The following DDIT3 variants were observed in gnomAD, a reference collection of about 807,000 sequenced individuals.
DDIT3 encodes the protein DNA damage inducible transcript 3, also known as DNA damage-inducible transcript 3 protein.
DDIT3 carries 14 observed loss-of-function variants against 17.6 expected under a neutral mutation model. The ratio of observed to expected loss-of-function variants is 0.80; its 90% CI spans 0.53 to 1.25. The LOEUF (loss-of-function observed/expected upper bound fraction) is 1.25. DDIT3 is among the 50% of genes most tolerant of loss of function. The probability of loss-of-function intolerance (pLI) is 0.00; values close to 1 mark genes in which losing one functional copy is unlikely to be tolerated. For synonymous variants in DDIT3, 93 were observed against 76.5 expected (o/e 1.22, Z -1.13); for missense variants, 216 against 202.7 (o/e 1.07, Z -0.40).
intron 1 of DDIT3, chr12:57,519,348 TTATA>T: frequency 5.2e-6 from 2 of 387,808 alleles, no homozygotes; most frequent in Non-Finnish European, 1.0e-5. Flanking sequence ...TCCGTGGCAC[TTATA>T]TTTTGTTTAC....
Position 57,519,190 on chromosome 12 carries a change from A to G in DDIT3, c.-81+1228T>C, listed in dbSNP as rs573303396. The G allele has an allele frequency of 7.5e-6, 4 of 533,442 alleles. No homozygotes were observed. In the East Asian group the frequency reaches 1.6e-4, roughly 22 times the overall value. The allele number at this position is 533,442 out of a possible 1,614,324, so 33.0% of individuals were successfully genotyped here. On this transcript the variant is annotated intron_variant, in intron 1 of 3. Transcript: ENST00000346473. Reference sequence around the variant, plus strand: ...TTAAAACAGGTCATTCCTCTGCTCAAACCCTCCAATGACTTCCTATTTCAT... The same window carrying G: ...TTAAAACAGGTCATTCCTCTGCTCAGACCCTCCAATGACTTCCTATTTCAT...
At chr12:57,518,942 G>A (rs1387773787) in intron 1 of DDIT3, among the ~76,000 whole-genome samples, 1 of 152,208 alleles carries the variant, frequency 6.6e-6, no homozygotes, top group Non-Finnish European at 1.5e-5. Context: ...TTACAGGTGT[G>A]AGCCACCATG....
At chr12:57,517,474 A>T in intron 2 of DDIT3, 36 bp from the exon 3 acceptor site, 1 of 1,599,018 alleles carries the variant, frequency 6.3e-7, no homozygotes, top group Non-Finnish European at 8.5e-7. Flanking sequence ...AACAAGCTCC[A>T]TGTAGCAAAC....
In DDIT3 at chr12:57,516,796, TGCTCCCAA is replaced by T. The variant is rs777269541; in HGVS notation, c.*5_*12del. 1 of 1,605,374 alleles carries T rather than the reference TGCTCCCAA, an allele frequency of 6.2e-7. No homozygotes were observed. The highest frequency in any genetic ancestry group is 1.1e-5 in the South Asian group (1 of 90,888). On this transcript the variant is annotated 3_prime_UTR_variant, in exon 4 of 4. Coordinates refer to ENST00000346473, the MANE Select transcript of DDIT3 (RefSeq NM_004083.6). ...TAGTGTGGCCCAAGTGGGGGACTGA[TGCTCCCAA>T]TTGTTCATGCTTGGTGCAGATTCAC...
In DDIT3 at chr12:57,516,979, G is replaced by T. The variant is rs778878881; in HGVS notation, c.340C>A (p.Arg114=). The change falls in exon 4 of 4, where the codon CGG becomes AGG. Residue 114 remains arginine (R), a synonymous_variant. Transcript: ENST00000346473. ...KRKQSGHSPA[R]AGKQRMKEKE... ...TCCTTCATGCGCTGCTTTCCAGCCC[G>T]GGCTGGGGAATGACCACTCTGTTTC... 1.9e-6 allele frequency: 3 copies of T among 1,614,078 alleles called. No individual in the cohort carries two copies. The highest frequency in any genetic ancestry group is 2.5e-6 in the Non-Finnish European group (3 of 1,180,040).
intron 1 of DDIT3, among the ~76,000 whole-genome samples, chr12:57,518,222 G>C (rs1408739752): frequency 6.6e-6 from 1 of 151,774 alleles, no homozygotes; most frequent in Non-Finnish European, 1.5e-5. Flanking sequence ...GCAGAAGAGG[G>C]CCTGACTTTC....
chr12:57,519,028 A>G (rs1878087901), intron 1 of DDIT3: 8 of 517,202 alleles, frequency 1.5e-5, no homozygotes, highest in South Asian at 1.1e-4. Context: ...TTCTAATTCC[A>G]TTGTTTCCAA....
At chr12:57,517,828 C>CT in intron 1 of DDIT3, 75 bp from the exon 2 acceptor site, 1 of 425,854 alleles carries the variant, frequency 2.3e-6, no homozygotes. Flanking sequence ...TTCTTTTTTT[C>CT]TTTCTTTTTT....
At chr12:57,517,897 G>T in intron 1 of DDIT3, 144 bp from the exon 2 acceptor site, 1 of 407,430 alleles carries the variant, frequency 2.5e-6, no homozygotes. Flanking sequence ...TGCGATCTCG[G>T]CTCACTGCAA....
Position 57,516,733 on chromosome 12 carries a change from T to G in DDIT3, c.*76A>C. 6.4e-7 allele frequency: 1 copy of G among 1,562,078 alleles called. No individual in the cohort carries two copies. The stretch of plus-strand genomic sequence containing the variant: ...TTGAGGGTCACATCATTGGCACTAG[T>G]GAGAGGGTAGTCAGTAGCCACTTCT... On this transcript the variant is annotated 3_prime_UTR_variant, in exon 4 of 4. Transcript: ENST00000346473.
At chr12:57,519,700 T>C (rs1016780346) in intron 1 of DDIT3, among the ~76,000 whole-genome samples, 3 of 152,210 alleles carry the variant, frequency 2.0e-5, no homozygotes, top group East Asian at 1.9e-4. Flanking sequence ...ATGCAATGGT[T>C]ACACAGAGAT....
At position 57,517,296 on chromosome 12, in the gene DDIT3, G is replaced by A; in HGVS notation, c.111C>T (p.Thr37=). The part of the protein sequence containing the change: ...EVLSSDENGG[T]YVSPPGNEEE... Reference sequence around the variant, plus strand: ...CTTCATTTCCAGGAGGTGAAACATAGGTACCCCCATTTTCATCTGAAGACA... The same window carrying A: ...CTTCATTTCCAGGAGGTGAAACATAAGTACCCCCATTTTCATCTGAAGACA... Residue 37 remains threonine (T), a synonymous_variant, in exon 3 of 4, where the codon ACC becomes ACT. Coordinates refer to ENST00000346473, the MANE Select transcript of DDIT3 (RefSeq NM_004083.6). 1 of 1,614,102 alleles carries A rather than the reference G, an allele frequency of 6.2e-7. No individual in the cohort carries two copies.
intron 1 of DDIT3, 38 bp from the exon 2 acceptor site, chr12:57,517,791 AG>A: frequency 2.3e-6 from 1 of 428,564 alleles, no homozygotes; most frequent in Non-Finnish European, 4.1e-6. Context: ...CATTTTTGGA[AG>A]GGGGAGAGGC....
rs1360549577 is a variant in DDIT3 at position 57,516,611 on chromosome 12, A to G, written c.*198T>C. 5.8e-6 allele frequency: 9 copies of G among 1,551,076 alleles called. No individual in the cohort carries two copies. Among genetic ancestry groups the G allele is most frequent in the Non-Finnish European group, 6.1e-6 (7 of 1,155,698 alleles). ...CCTTGGCTCATAGAAAGTCACTTTA[A>G]TAGATAGGGACAGTAATAAATAAAT... On this transcript the variant is annotated 3_prime_UTR_variant, in exon 4 of 4. Transcript: ENST00000346473.
chr12:57,517,066 A>C lies in DDIT3; in HGVS notation c.253T>G (p.Ser85Ala). 1.2e-6 allele frequency: 2 copies of C among 1,614,026 alleles called. No individual in the cohort carries two copies. Among genetic ancestry groups the C allele is most frequent in the South Asian group, 1.1e-5 (1 of 91,062 alleles). The change falls in exon 4 of 4, where the codon TCC becomes GCC. Residue 85 changes from serine to alanine, a missense_variant. Ser to Ala is a moderately conservative substitution (Grantham distance 99, BLOSUM62 1). Coordinates refer to ENST00000346473, the MANE Select transcript of DDIT3 (RefSeq NM_004083.6). ...STSQSPHSPD[S>A]SQSSLAQEEE... ...TCCTGAGCCAGGGAGCTCTGACTGG[A>C]ATCTGGAGAGTGAGGGCTCTGGGAG...
rs775273735 is a variant in DDIT3 at position 57,517,117 on chromosome 12, GCTC to G, written c.199_201del (p.Glu67del). ...GTGCTTGTGACCTCTGCTGGTTCTG[GCTC>G]CTCCTCAGTCAGCCAAGCCAGAGAA... On this transcript the variant is annotated inframe_deletion, in exon 4 of 4. Transcript: ENST00000346473. 11 of 1,613,412 alleles carry G rather than the reference GCTC, an allele frequency of 6.8e-6. No individual in the cohort carries two copies. The highest frequency in any genetic ancestry group is 1.7e-5 in the Admixed American group (1 of 59,938).
In DDIT3 at chr12:57,517,422, A is replaced by T. The variant is rs887844288; in HGVS notation, c.-16T>A. On this transcript the variant is annotated 5_prime_UTR_variant, in exon 3 of 4. Coordinates refer to ENST00000346473, the MANE Select transcript of DDIT3 (RefSeq NM_004083.6). ...CAGCTGCCATCTCTGCAGTTGGATC[A>T]GTCTGGAAAAGCACATCTGCAGGAT... The T allele has an allele frequency of 5.0e-6, 8 of 1,604,738 alleles. No homozygotes were observed. Among genetic ancestry groups the T allele is most frequent in the Admixed American group, 1.7e-5 (1 of 60,000 alleles).
chr12:57,519,928 G>A (rs755408486), intron 1 of DDIT3, among the ~76,000 whole-genome samples: 1 of 152,186 alleles, frequency 6.6e-6, no homozygotes, highest in Non-Finnish European at 1.5e-5. Context: ...TCCCCTATCC[G>A]CTGCAGGGTC....
intron 1 of DDIT3, among the ~76,000 whole-genome samples, chr12:57,519,621 TG>T (rs1363641440): frequency 6.6e-6 from 1 of 152,170 alleles, no homozygotes; most frequent in East Asian, 1.9e-4. Context: ...TTCCAGTGTG[TG>T]GGACTTGGCT....
Sources: gnomAD v4.1 joint callset for allele counts (sites outside exome capture counted in the v4.1 genomes callset) on GRCh38, gnomAD v4.1.1 for gene constraint, MANE v1.5 for transcripts, NCBI Gene and HGNC (gene_info 2026-07-23, HGNC 2026-07-21) for gene names.